ERG: variants seen among roughly 807,000 people sequenced by gnomAD.
ERG encodes ETS transcription factor ERG, also known as transcriptional regulator ERG.
ERG carries 9 observed loss-of-function variants against 55.3 expected under a neutral mutation model. That is an observed-to-expected ratio of 0.16 (90% CI 0.10 to 0.28). The LOEUF is 0.28. Ranked by LOEUF, ERG falls within the 10% of genes least tolerant of loss-of-function variation. The pLI, the probability that ERG is intolerant of heterozygous loss-of-function variation, is 1.00. For synonymous variants in ERG, 223 were observed against 237.3 expected (o/e 0.94, Z 0.55); for missense variants, 434 against 631.6 (o/e 0.69, Z 3.35).
intron 9 of ERG, among the ~76,000 whole-genome samples, chr21:38,386,340 A>G (rs1987690974): frequency 6.6e-6 from 1 of 152,222 alleles, no homozygotes; most frequent in Non-Finnish European, 1.5e-5. Flanking sequence ...AAATCAATGA[A>G]TGTTTAAGTA....
intron 2 of ERG, among the ~76,000 whole-genome samples, chr21:38,539,576 G>A (rs1465550521): frequency 2.0e-5 from 3 of 152,106 alleles, no homozygotes; most frequent in African/African-American, 4.8e-5. Flanking sequence ...GACAGAAATC[G>A]ACGAATAAAG....
At chr21:38,608,835 G>A (rs1192446141) in intron 1 of ERG, among the ~76,000 whole-genome samples, 2 of 152,220 alleles carry the variant, frequency 1.3e-5, no homozygotes, top group Non-Finnish European at 2.9e-5. Flanking sequence ...TGTCTTGGGA[G>A]GCGGTTTAGG....
chr21:38,441,848 C>T (rs1379456415), intron 2 of ERG, among the ~76,000 whole-genome samples: 9 of 152,194 alleles, frequency 5.9e-5, no homozygotes, highest in Admixed American at 3.3e-4. Context: ...GGCACGTAGG[C>T]CTGGATTGAA....
rs2146503259 is a variant in ERG at position 38,423,498 on chromosome 21, A to C, written c.300T>G (p.Val100=). 1 of 1,614,118 alleles carries C rather than the reference A, an allele frequency of 6.2e-7. No individual in the cohort carries two copies. The highest frequency in any genetic ancestry group is 8.5e-7 in the Non-Finnish European group (1 of 1,180,008). The change falls in exon 3 of 10, where the codon GTT becomes GTG. Residue 100 remains valine, a synonymous_variant. Transcript: ENST00000288319. The part of the protein sequence containing the change: ...GGKMVGSPDT[V]GMNYGSYMEE... Reference sequence around the variant, plus strand: ...CCATGTAGCTGCCGTAGTTCATCCCAACGGTGTCTGGGCTGCCCACCATCT... The same window carrying C: ...CCATGTAGCTGCCGTAGTTCATCCCCACGGTGTCTGGGCTGCCCACCATCT...
intron 3 of ERG, among the ~76,000 whole-genome samples, chr21:38,416,749 A>C (rs1989298621): frequency 6.6e-6 from 1 of 152,236 alleles, no homozygotes; most frequent in African/African-American, 2.4e-5. Context: ...TCATAAGAGG[A>C]GTGATTAATT....
At chr21:38,596,073 T>A (rs2060129980) in intron 1 of ERG, among the ~76,000 whole-genome samples, 1 of 151,512 alleles carries the variant, frequency 6.6e-6, no homozygotes, top group Non-Finnish European at 1.5e-5. Context: ...GGGGGGTCTC[T>A]TTTTATAATA....
chr21:38,554,101 C>T (rs2059842916), intron 2 of ERG, among the ~76,000 whole-genome samples: 1 of 152,070 alleles, frequency 6.6e-6, no homozygotes, highest in Non-Finnish European at 1.5e-5. Context: ...TCACTAATCA[C>T]TAGAGAAAAG....
intron 1 of ERG, among the ~76,000 whole-genome samples, chr21:38,639,863 T>G (rs1173025825): frequency 2.0e-5 from 3 of 152,150 alleles, no homozygotes; most frequent in Non-Finnish European, 2.9e-5. Flanking sequence ...CAGGATAACC[T>G]GGAGACAGGG....
chr21:38,638,979 C>T (rs539248501), intron 1 of ERG, among the ~76,000 whole-genome samples: 8 of 152,268 alleles, frequency 5.3e-5, no homozygotes, highest in African/African-American at 1.2e-4. Context: ...GTACCTCCCC[C>T]AGGATCTTCC....
intron 1 of ERG, among the ~76,000 whole-genome samples, chr21:38,610,883 G>C (rs568374332): frequency 6.6e-6 from 1 of 152,280 alleles, no homozygotes; most frequent in South Asian, 2.1e-4. Context: ...GGCTTGAGGG[G>C]AGATTGAAAA....
At chr21:38,524,447 A>C (rs1049187337) in intron 2 of ERG, among the ~76,000 whole-genome samples, 2 of 152,220 alleles carry the variant, frequency 1.3e-5, no homozygotes, top group African/African-American at 4.8e-5. Context: ...TCGGACTATT[A>C]GTCAACAGAA....
chr21:38,433,817 G>T (rs930435531), intron 2 of ERG, among the ~76,000 whole-genome samples: 4 of 152,192 alleles, frequency 2.6e-5, no homozygotes, highest in Admixed American at 6.5e-5. Context: ...GAATGTAATT[G>T]CGGAAATCAA....
intron 2 of ERG, among the ~76,000 whole-genome samples, chr21:38,524,986 A>C (rs2059620103): frequency 6.6e-6 from 1 of 152,246 alleles, no homozygotes; most frequent in Non-Finnish European, 1.5e-5. Flanking sequence ...CCAAACAAAG[A>C]GACCAACAGT....
At chr21:38,445,270 T>A in intron 2 of ERG, 134 bp downstream of exon 2, 1 of 682,452 alleles carries the variant, frequency 1.5e-6, no homozygotes, top group Non-Finnish European at 2.5e-6. Context: ...GGCTCCCGAG[T>A]AGCTGGGATT....
chr21:38,626,878 TG>T, intron 1 of ERG, among the ~76,000 whole-genome samples: 1 of 152,052 alleles, frequency 6.6e-6, no homozygotes, highest in Non-Finnish European at 1.5e-5. Flanking sequence ...ATTGAAGAAA[TG>T]AAAGCCAAAA....
chr21:38,591,061 A>T (rs867552529), intron 1 of ERG, among the ~76,000 whole-genome samples: 1 of 152,200 alleles, frequency 6.6e-6, no homozygotes, highest in African/African-American at 2.4e-5. Context: ...TCAGACTGAG[A>T]AGGAAAAGGA....
At chr21:38,591,727 C>A (rs2098378464) in intron 1 of ERG, among the ~76,000 whole-genome samples, 1 of 152,066 alleles carries the variant, frequency 6.6e-6, no homozygotes, top group Non-Finnish European at 1.5e-5. Flanking sequence ...ACCAAAAAAA[C>A]AATGAAAACA....
chr21:38,643,507 T>C (rs1317616404), intron 1 of ERG, among the ~76,000 whole-genome samples: 4 of 152,214 alleles, frequency 2.6e-5, no homozygotes, highest in Non-Finnish European at 4.4e-5. Flanking sequence ...TTCCTGTTCC[T>C]TTTATTTAAG....
At chr21:38,430,828 C>G (rs971691824) in intron 2 of ERG, among the ~76,000 whole-genome samples, 8 of 152,190 alleles carry the variant, frequency 5.3e-5, no homozygotes, top group Admixed American at 1.3e-4. Context: ...ATAGCTGGGA[C>G]TACAGGCCAC....
Sources: gnomAD v4.1 joint callset for allele counts (sites outside exome capture counted in the v4.1 genomes callset) on GRCh38, gnomAD v4.1.1 for gene constraint, MANE v1.5 for transcripts, NCBI Gene and HGNC (gene_info 2026-07-23, HGNC 2026-07-21) for gene names.